The following SPINK5 variants were observed in gnomAD, a reference collection of about 807,000 sequenced individuals.
The protein encoded by SPINK5 is serine peptidase inhibitor Kazal type 5, also known as serine protease inhibitor Kazal-type 5.
A neutral mutation model predicts 151.8 loss-of-function variants in SPINK5; 125 were observed. The observed-to-expected ratio is 0.82, with a 90% confidence interval of 0.71 to 0.96. The LOEUF (loss-of-function observed/expected upper bound fraction) is 0.96. Among genes scored for constraint, SPINK5 ranks in the 40% least tolerant of loss-of-function variants. The pLI, the probability that SPINK5 is intolerant of heterozygous loss-of-function variation, is 0.00. For missense variants in SPINK5, 1,194 were observed against 1,291.9 expected, an observed-to-expected ratio of 0.92 and a Z score of 1.16; for synonymous variants, 374 against 395.3, an observed-to-expected ratio of 0.95 and a Z score of 0.64.
chr5:148,106,902 A>G, intron 16 of SPINK5, 135 bp from the exon 17 acceptor site: 1 of 1,124,132 alleles, frequency 8.9e-7, no homozygotes, highest in Non-Finnish European at 1.3e-6. Context: ...AGCTTTGTAA[A>G]TACTTACTGA....
At chr5:148,091,070 C>A in intron 7 of SPINK5, 95 bp from the exon 8 acceptor site, 7 of 1,029,162 alleles carry the variant, frequency 6.8e-6, no homozygotes, top group Non-Finnish European at 8.9e-6. Context: ...TTCAGCAATT[C>A]GTAGCAGAGG....
At chr5:148,120,543 T>A in intron 26 of SPINK5, 152 bp downstream of exon 26, 1 of 988,778 alleles carries the variant, frequency 1.0e-6, no homozygotes, top group Non-Finnish European at 1.6e-6. Context: ...TGAAAATAAA[T>A]AGCATGCTCT....
In SPINK5 at chr5:148,086,463, A is replaced by G. The variant is rs764853169; in HGVS notation, c.341A>G (p.Tyr114Cys). ...GATGGGGATTTTATCTGTCCTGATT[A>G]TTATGAAGCTGTTTGTGGCACAGAT... is the stretch of plus-strand genomic sequence containing the variant. The part of the protein sequence containing the change: ...ERDGDFICPD[Y>C]YEAVCGTDGK... The change falls in exon 5 of 33, where the codon TAT becomes TGT. Residue 114 changes from tyrosine to cysteine, a missense_variant. Tyr to Cys is a radical substitution (Grantham distance 194, BLOSUM62 -2). Transcript: ENST00000256084. 4.3e-5 allele frequency: 69 copies of G among 1,611,900 alleles called. No homozygotes were observed. Among genetic ancestry groups the G allele is most frequent in the Non-Finnish European group, 5.5e-5 (65 of 1,178,802 alleles).
intron 4 of SPINK5, among the ~76,000 whole-genome samples, chr5:148,084,604 GTTTTGAGTTAATTACT>G (rs1234942489): frequency 6.6e-6 from 1 of 151,838 alleles, no homozygotes; most frequent in Non-Finnish European, 1.5e-5. Flanking sequence ...AGTAGTGATT[GTTTTGAGTTAATTACT>G]TTGATCTGTA....
At position 148,108,803 on chromosome 5, in the gene SPINK5, T is replaced by C. The variant is rs751454156; in HGVS notation, c.1658T>C (p.Val553Ala). 5 of 1,612,506 alleles carry C rather than the reference T, an allele frequency of 3.1e-6. No homozygotes were observed. In the African/African-American group the frequency reaches 4.0e-5, roughly 13 times the overall value. Reference protein sequence around the residue: ...KKNDKEEKGKVEAEKVKREAV... With the variant: ...KKNDKEEKGKAEAEKVKREAV... ...AATGATAAAGAAGAAAAAGGGAAAGTCGAGGCTGAAAAAGTTAAGAGAGAA... is the reference window on the plus strand; with the variant it reads ...AATGATAAAGAAGAAAAAGGGAAAGCCGAGGCTGAAAAAGTTAAGAGAGAA... Residue 553 changes from valine to alanine, a missense_variant, in exon 18 of 33, where the codon GTC becomes GCC. Transcript: ENST00000256084.
intron 29 of SPINK5, 67 bp downstream of exon 29, chr5:148,125,917 G>C: frequency 6.2e-7 from 1 of 1,607,364 alleles, no homozygotes; most frequent in Non-Finnish European, 8.5e-7. Flanking sequence ...ACTGCTGCTT[G>C]AATAAGTTTG....
chr5:148,098,055 A>G (rs1561687037), intron 11 of SPINK5, 61 bp downstream of exon 11: 2 of 1,521,092 alleles, frequency 1.3e-6, no homozygotes, highest in Non-Finnish European at 1.8e-6. Flanking sequence ...TTTAATAGAA[A>G]CAGCTTCTTT....
intron 4 of SPINK5, among the ~76,000 whole-genome samples, chr5:148,077,636 G>GGT (rs953551559): frequency 1.1e-4 from 7 of 66,336 alleles, no homozygotes; most frequent in Non-Finnish European, 1.9e-4. Flanking sequence ...TGTTTTATCA[G>GGT]GTATATATAT....
chr5:148,124,734 T>C (rs765869406), intron 27 of SPINK5, 31 bp from the exon 28 acceptor site: 2 of 1,484,194 alleles, frequency 1.3e-6, no homozygotes, highest in East Asian at 2.4e-5. Flanking sequence ...CTTGAAAAAT[T>C]ACCCTATCTT....
intron 20 of SPINK5, 75 bp downstream of exon 20, chr5:148,113,009 T>A (rs1023044779): frequency 5.7e-6 from 9 of 1,587,130 alleles, no homozygotes; most frequent in Non-Finnish European, 7.7e-6. Flanking sequence ...AACTATGGAA[T>A]TACTGAAACC....
intron 14 of SPINK5, 149 bp downstream of exon 14, chr5:148,101,585 G>A: frequency 1.0e-6 from 1 of 998,932 alleles, no homozygotes. Context: ...AGTTATACAT[G>A]TGCATATGTG....
chr5:148,128,478 T>C lies in SPINK5; in HGVS notation c.2964+1399T>C, dbSNP rs1403647200. 5.3e-5 allele frequency among the ~76,000 whole-genome samples: 8 copies of C among 152,278 alleles called. No individual in the cohort carries two copies. The South Asian group carries it at 1.7e-3, about 32-fold the overall frequency. On this transcript the variant is annotated intron_variant, in intron 30 of 32. Coordinates refer to ENST00000256084, the MANE Select transcript of SPINK5 (RefSeq NM_006846.4). ...GGCAGTCCTTTTGTCAGTCTACAAA[T>C]ACTTACTGAGCACCTGCTATTTTTC...
intron 16 of SPINK5, among the ~76,000 whole-genome samples, chr5:148,105,956 A>T (rs1031621969): frequency 6.6e-6 from 1 of 151,962 alleles, no homozygotes; most frequent in Non-Finnish European, 1.5e-5. Context: ...TAGCCACAAC[A>T]GTACAAACCT....
intron 18 of SPINK5, 126 bp from the exon 19 acceptor site, chr5:148,111,642 A>G: frequency 3.5e-6 from 5 of 1,431,266 alleles, no homozygotes; most frequent in South Asian, 2.4e-5. Context: ...TTTGGTTACT[A>G]TCAACCTTCA....
intron 5 of SPINK5, among the ~76,000 whole-genome samples, chr5:148,087,320 G>C (rs1266444490): frequency 6.6e-6 from 1 of 151,682 alleles, no homozygotes; most frequent in African/African-American, 2.4e-5. Context: ...GTTCTGGCTT[G>C]TGATCTCAAT....
chr5:148,118,377 T>G, intron 22 of SPINK5, 60 bp from the exon 23 acceptor site: 3 of 1,610,306 alleles, frequency 1.9e-6, no homozygotes, highest in Non-Finnish European at 2.5e-6. Flanking sequence ...GTTAAAACAA[T>G]TTACTAAGAA....
intron 32 of SPINK5, among the ~76,000 whole-genome samples, chr5:148,135,448 T>C (rs1047560468): frequency 1.3e-5 from 2 of 152,228 alleles, no homozygotes; most frequent in Admixed American, 6.5e-5. Context: ...CTTTAAATAA[T>C]GAAGAATGTT....
At chr5:148,065,581 TTAA>T (rs1752562704) in intron 2 of SPINK5, 3 of 552,882 alleles carry the variant, frequency 5.4e-6, no homozygotes, top group Admixed American at 3.0e-5. Flanking sequence ...ACTCAACATA[TTAA>T]TGATGATGGA....
intron 2 of SPINK5, among the ~76,000 whole-genome samples, chr5:148,067,996 A>G (rs1354166912): frequency 2.0e-5 from 3 of 152,142 alleles, no homozygotes; most frequent in African/African-American, 7.2e-5. Flanking sequence ...TATACTTTCT[A>G]TAAGACTTAC....
Sources: gnomAD v4.1 joint callset for allele counts (sites outside exome capture counted in the v4.1 genomes callset) on GRCh38, gnomAD v4.1.1 for gene constraint, MANE v1.5 for transcripts, NCBI Gene and HGNC (gene_info 2026-07-23, HGNC 2026-07-21) for gene names.